Variants in PGCKA1 observed in about 807,000 individuals in gnomAD.
PGCKA1 encodes PDCD10 and GCKIII kinases-associated protein 1.
the PGCKA1 span, among the ~76,000 whole-genome samples, chr4:37,491,469 G>A: frequency 1.3e-5 from 2 of 152,130 alleles, no homozygotes; most frequent in Non-Finnish European, 2.9e-5. Flanking sequence ...TTACTTGTTT[G>A]TATGGTTTTA....
the PGCKA1 span, among the ~76,000 whole-genome samples, chr4:37,472,017 A>G: frequency 6.6e-6 from 1 of 152,154 alleles, no homozygotes; most frequent in Non-Finnish European, 1.5e-5. Flanking sequence ...TGGCTACCTT[A>G]TGGGGAAGCT....
At chr4:37,464,486 T>A in the PGCKA1 span, among the ~76,000 whole-genome samples, 202 of 152,266 alleles carry the variant, frequency 1.3e-3, 1 homozygote, top group Non-Finnish European at 2.2e-3. Flanking sequence ...CCGCCCTTAG[T>A]AAATGTTTAA....
At chr4:37,553,489 T>G in the PGCKA1 span, among the ~76,000 whole-genome samples, 1 of 152,346 alleles carries the variant, frequency 6.6e-6, no homozygotes, top group African/African-American at 2.4e-5. Flanking sequence ...TTTTGCATAA[T>G]ATATTGCTGA....
the PGCKA1 span, among the ~76,000 whole-genome samples, chr4:37,526,613 G>A: frequency 5.1e-4 from 78 of 152,262 alleles, no homozygotes; most frequent in Admixed American, 9.2e-4. Context: ...ATGTGACAGG[G>A]ATCTCATAAA....
the PGCKA1 span, among the ~76,000 whole-genome samples, chr4:37,558,326 A>C: frequency 3.3e-5 from 5 of 152,124 alleles, no homozygotes; most frequent in African/African-American, 1.2e-4. Context: ...GGTTCAACCA[A>C]GTCTCCACAC....
At chr4:37,492,901 G>A in the PGCKA1 span, among the ~76,000 whole-genome samples, 2 of 152,102 alleles carry the variant, frequency 1.3e-5, no homozygotes, top group East Asian at 3.9e-4. The surrounding 1 kb of genome is among the most constrained non-coding windows in gnomAD (Gnocchi z 4.7). Context: ...GCTGTAAATT[G>A]GTGCCACTGC....
At chr4:37,564,566 G>C in the PGCKA1 span, among the ~76,000 whole-genome samples, 1 of 151,942 alleles carries the variant, frequency 6.6e-6, no homozygotes, top group African/African-American at 2.4e-5. Flanking sequence ...CAGTGCAGTG[G>C]CGCGATCTTG....
chr4:37,466,988 C>T, the PGCKA1 span, among the ~76,000 whole-genome samples: 2 of 152,112 alleles, frequency 1.3e-5, no homozygotes, highest in Non-Finnish European at 2.9e-5. Flanking sequence ...ATCCCAGCTA[C>T]TTGGGAGGCC....
the PGCKA1 span, among the ~76,000 whole-genome samples, chr4:37,481,608 C>T: frequency 1.3e-5 from 2 of 151,196 alleles, no homozygotes; most frequent in African/African-American, 2.4e-5. Flanking sequence ...ATCCCTCATA[C>T]TGTGTGTTGT....
chr4:37,470,732 C>T, the PGCKA1 span, among the ~76,000 whole-genome samples: 1 of 152,156 alleles, frequency 6.6e-6, no homozygotes, highest in Non-Finnish European at 1.5e-5. Context: ...TTAGTATTTT[C>T]ATTGTAAGCC....
At chr4:37,519,099 G>A in the PGCKA1 span, among the ~76,000 whole-genome samples, 3 of 152,070 alleles carry the variant, frequency 2.0e-5, no homozygotes, top group African/African-American at 7.2e-5. Flanking sequence ...ATTTGTTTCT[G>A]GGTTCTTGAT....
the PGCKA1 span, among the ~76,000 whole-genome samples, chr4:37,477,024 A>G: frequency 6.6e-6 from 1 of 152,160 alleles, no homozygotes; most frequent in East Asian, 1.9e-4. Flanking sequence ...GAATTACAGT[A>G]TTCATCAATT....
At chr4:37,517,949 A>G in the PGCKA1 span, among the ~76,000 whole-genome samples, 1 of 152,090 alleles carries the variant, frequency 6.6e-6, no homozygotes, top group African/African-American at 2.4e-5. Flanking sequence ...CCATCCTTCT[A>G]TGCTCTGTCT....
At chr4:37,472,758 A>C in the PGCKA1 span, among the ~76,000 whole-genome samples, 1 of 152,012 alleles carries the variant, frequency 6.6e-6, no homozygotes, top group Admixed American at 6.6e-5. Flanking sequence ...ATGCTATTAC[A>C]TTTCTTATTC....
At chr4:37,458,520 G>C in the PGCKA1 span, among the ~76,000 whole-genome samples, 1 of 152,126 alleles carries the variant, frequency 6.6e-6, no homozygotes, top group African/African-American at 2.4e-5. Context: ...TGGACACCAA[G>C]GCAGCTCTGC....
the PGCKA1 span, among the ~76,000 whole-genome samples, chr4:37,561,621 G>A: frequency 2.0e-5 from 3 of 151,872 alleles, no homozygotes; most frequent in African/African-American, 7.3e-5. Flanking sequence ...ATCTATTATT[G>A]TATAAGTTTC....
the PGCKA1 span, among the ~76,000 whole-genome samples, chr4:37,462,765 A>G: frequency 1.3e-5 from 2 of 152,134 alleles, no homozygotes; most frequent in Non-Finnish European, 2.9e-5. Flanking sequence ...GGCTTTAAAA[A>G]TGTCCATAGA....
chr4:37,487,490 C>T, the PGCKA1 span, among the ~76,000 whole-genome samples: 1 of 152,244 alleles, frequency 6.6e-6, no homozygotes, highest in East Asian at 1.9e-4. Flanking sequence ...TCTTCTTTCC[C>T]TTCTTCATCC....
At chr4:37,495,053 T>C in the PGCKA1 span, among the ~76,000 whole-genome samples, 1 of 151,256 alleles carries the variant, frequency 6.6e-6, no homozygotes, top group African/African-American at 2.4e-5. Flanking sequence ...AAAAACCCCA[T>C]CAAAAAGTGG....
Sources: allele counts gnomAD v4.1 joint callset (sites outside exome capture counted in the v4.1 genomes callset), GRCh38; gene constraint gnomAD v4.1.1; non-coding constraint Gnocchi (gnomAD v3.1); transcripts MANE v1.5; gene names NCBI Gene and HGNC (gene_info 2026-07-23, HGNC 2026-07-21).